The following FFAR1 variants were observed in gnomAD, a reference collection of about 807,000 sequenced individuals.
FFAR1 encodes the protein free fatty acid receptor 1, also known as G-protein coupled receptor 40.
For synonymous variants in FFAR1, 216 were observed against 201.5 expected, an observed-to-expected ratio of 1.07 and a Z score of -0.61; for missense variants, 424 against 396.2, an observed-to-expected ratio of 1.07 and a Z score of -0.60.
chr19:35,352,479 T>C (rs2066950225), exon 1 of FFAR1: 1 of 1,545,388 alleles, frequency 6.5e-7, no homozygotes, highest in Non-Finnish European at 8.7e-7. Context: ...GGAAGGAGCA[T>C]GGGGCAGGAG....
chr19:35,349,749 C>G (rs2066936468), upstream of FFAR1, among the ~76,000 whole-genome samples: 1 of 152,092 alleles, frequency 6.6e-6, no homozygotes, highest in Admixed American at 6.5e-5. Context: ...CCATACACGC[C>G]TGAGAAAACT....
upstream of FFAR1, among the ~76,000 whole-genome samples, chr19:35,350,421 G>A (rs1207943369): frequency 6.6e-6 from 1 of 152,240 alleles, no homozygotes; most frequent in East Asian, 1.9e-4. Flanking sequence ...TGTCAGGGGT[G>A]AGCCAGTGAG....
chr19:35,352,049 C>T (rs764989798), exon 1 of FFAR1: 3 of 1,613,876 alleles, frequency 1.9e-6, no homozygotes, highest in South Asian at 2.2e-5. Flanking sequence ...CGGTCAACGG[C>T]TCTCCGGTCT....
chr19:35,353,551 A>G (rs1205806351), exon 1 of FFAR1: 1 of 152,258 alleles, frequency 6.6e-6, no homozygotes, highest in African/African-American at 2.4e-5. Flanking sequence ...CTTACAATAA[A>G]GTAAGCTAGA....
chr19:35,351,818 A>T (rs2066945974), exon 1 of FFAR1: 1 of 1,607,478 alleles, frequency 6.2e-7, no homozygotes, highest in Non-Finnish European at 8.5e-7. Flanking sequence ...ACTTCTTCCC[A>T]CTCTATGCCG....
chr19:35,350,164 T>G (rs186237878), upstream of FFAR1, among the ~76,000 whole-genome samples: 1,743 of 152,238 alleles, frequency 0.011, 10 homozygotes, highest in African/African-American at 0.016. Flanking sequence ...CCAGTGCTGG[T>G]CAGCAGAGGC....
chr19:35,352,929 C>T, exon 1 of FFAR1: 1 of 175,442 alleles, frequency 5.7e-6, no homozygotes, highest in Non-Finnish European at 1.2e-5. Context: ...GCTGTTATAC[C>T]ATGTGAAACT....
At chr19:35,352,571 G>T in exon 1 of FFAR1, 1 of 1,157,022 alleles carries the variant, frequency 8.6e-7, no homozygotes, top group Non-Finnish European at 1.2e-6. Flanking sequence ...CCTCCCTGGA[G>T]CCACTCAAGC....
chr19:35,351,324 C>A (rs916223278), upstream of FFAR1, among the ~76,000 whole-genome samples: 1 of 152,174 alleles, frequency 6.6e-6, no homozygotes, highest in Non-Finnish European at 1.5e-5. Context: ...AAGCACAGGA[C>A]TGGGGGCCAC....
chr19:35,352,302 C>A (rs766312605), exon 1 of FFAR1: 9 of 1,552,412 alleles, frequency 5.8e-6, no homozygotes, highest in Middle Eastern at 1.7e-4. Flanking sequence ...CTTCCTGTAC[C>A]CCAATCTAGG....
upstream of FFAR1, among the ~76,000 whole-genome samples, chr19:35,349,698 G>A (rs1189742052): frequency 6.6e-6 from 1 of 152,174 alleles, no homozygotes; most frequent in Non-Finnish European, 1.5e-5. Context: ...GGTTTATGAT[G>A]GGGGACCTGG....
At chr19:35,350,263 G>A (rs1330137119), upstream of FFAR1, among the ~76,000 whole-genome samples, 1 of 152,232 alleles carries the variant, frequency 6.6e-6, no homozygotes, top group South Asian at 2.1e-4. Flanking sequence ...TGCGGAAGCA[G>A]AGGGAGAACA....
At chr19:35,352,805 C>T (rs1573611) in exon 1 of FFAR1, 92,537 of 344,706 alleles carry the variant, frequency 0.27, 13,749 homozygotes, top group East Asian at 0.53. Flanking sequence ...TGTTTCTGAC[C>T]CACAGGAACT....
At chr19:35,350,732 C>G (rs1172379953), upstream of FFAR1, among the ~76,000 whole-genome samples, 1 of 152,198 alleles carries the variant, frequency 6.6e-6, no homozygotes, top group East Asian at 1.9e-4. Context: ...GCTAATGGCC[C>G]TGTCACCCGC....
exon 1 of FFAR1, chr19:35,352,262 A>G: frequency 1.3e-6 from 2 of 1,553,916 alleles, no homozygotes; most frequent in South Asian, 2.4e-5. Flanking sequence ...TGCTCTGCGT[A>G]GGACCCTACA....
exon 1 of FFAR1, chr19:35,352,632 A>T: frequency 1.5e-6 from 1 of 667,464 alleles, no homozygotes; most frequent in Non-Finnish European, 2.5e-6. Flanking sequence ...AGGAGCACCG[A>T]GCCAGAGCAC....
upstream of FFAR1, among the ~76,000 whole-genome samples, chr19:35,350,522 C>A (rs1339409403): frequency 6.6e-6 from 1 of 152,122 alleles, no homozygotes; most frequent in African/African-American, 2.4e-5. Flanking sequence ...GAGGGAATAG[C>A]GCTGGGTTGT....
At chr19:35,349,968 G>C (rs1388932529), upstream of FFAR1, among the ~76,000 whole-genome samples, 1 of 152,182 alleles carries the variant, frequency 6.6e-6, no homozygotes. Flanking sequence ...GACCCCAGTG[G>C]GAAACATGAA....
upstream of FFAR1, among the ~76,000 whole-genome samples, chr19:35,351,121 A>T (rs2066942478): frequency 6.6e-6 from 1 of 152,294 alleles, no homozygotes; most frequent in South Asian, 2.1e-4. Flanking sequence ...CAGTGGGCTC[A>T]GGAGTCAAAC....
Sources: allele counts gnomAD v4.1 joint callset (sites outside exome capture counted in the v4.1 genomes callset), GRCh38; gene constraint gnomAD v4.1.1; transcripts MANE v1.5; gene names NCBI Gene and HGNC (gene_info 2026-07-23, HGNC 2026-07-21).